The following DLEC1 variants were observed in gnomAD, a reference collection of about 807,000 sequenced individuals.
DLEC1 encodes the protein deleted in lung and esophageal cancer protein 1.
A neutral mutation model predicts 198.1 loss-of-function variants in DLEC1; 146 were observed. The observed-to-expected ratio is 0.74, with a 90% CI of 0.64 to 0.85. The LOEUF (loss-of-function observed/expected upper bound fraction) is 0.85, where lower values mean the gene tolerates loss of function less well. DLEC1 is among the 40% of genes least tolerant of loss of function. DLEC1 has a pLI of 0.00. For synonymous variants in DLEC1, 897 were observed against 866.8 expected, an observed-to-expected ratio of 1.03 and a Z score of -0.61; for missense variants, 2,233 against 2,220.0, an observed-to-expected ratio of 1.01 and a Z score of -0.12.
chr3:38,057,965 C>T (rs1304365534), intron 2 of DLEC1, among the ~76,000 whole-genome samples: 5 of 151,946 alleles, frequency 3.3e-5, no homozygotes, highest in East Asian at 3.9e-4. Flanking sequence ...TATAGGCGCC[C>T]GCCACCACAC....
In DLEC1 at chr3:38,120,514, C is replaced by G. The variant is rs750648276; in HGVS notation, c.4771C>G (p.Leu1591Val). 2.5e-6 allele frequency: 4 copies of G among 1,614,120 alleles called. No homozygotes were observed. The African/African-American group carries it at 5.3e-5, about 22-fold the overall frequency. ...SYQKLPADQTLPGVDIQQSAS... is the reference protein window; with the variant it reads ...SYQKLPADQTVPGVDIQQSAS... The stretch of plus-strand genomic sequence containing the variant: ...TCAGAAGCTCCCAGCTGACCAGACA[C>G]TGCCTGGGGTGGACATTCAGCAGAG... Residue 1591 changes from leucine to valine, a missense_variant, in exon 34 of 37, where the codon CTG becomes GTG. Physicochemically the swap from Leu to Val is conservative, Grantham distance 32 (BLOSUM62 1). Coordinates refer to ENST00000308059, the MANE Select transcript of DLEC1 (RefSeq NM_007335.4).
intron 22 of DLEC1, 92 bp from the exon 23 acceptor site, chr3:38,110,007 C>T (rs536189848): frequency 7.1e-5 from 101 of 1,423,034 alleles, no homozygotes; most frequent in Middle Eastern, 1.9e-4. Flanking sequence ...GGTGTCTGGG[C>T]AGCTTCTGCA....
At position 38,117,518 on chromosome 3, in the gene DLEC1, G is replaced by T. The variant is rs1700243679; in HGVS notation, c.4401-9G>T. 6.2e-7 allele frequency: 1 copy of T among 1,614,058 alleles called. No individual in the cohort carries two copies. The highest frequency in any genetic ancestry group is 1.1e-5 in the South Asian group (1 of 91,096). On this transcript the variant is annotated splice_polypyrimidine_tract_variant and intron_variant, in intron 31 of 36. Coordinates refer to ENST00000308059, the MANE Select transcript of DLEC1 (RefSeq NM_007335.4). ...CCGGCTTGCCCCAACAATGCCTATTGCTGGGCAGGCTAAGTGTGGAGCTGG... is the reference window on the plus strand; with the variant it reads ...CCGGCTTGCCCCAACAATGCCTATTTCTGGGCAGGCTAAGTGTGGAGCTGG...
chr3:38,100,464 G>A, intron 19 of DLEC1, 39 bp downstream of exon 19: 20 of 1,569,700 alleles, frequency 1.3e-5, no homozygotes, highest in Non-Finnish European at 1.5e-5. Flanking sequence ...AACAAACTAT[G>A]CATATTCGTG....
rs900379586 is a variant in DLEC1, at chr3:38,086,449, C to T, written c.1572+72C>T. ...AGGAAATAACCCCCAGAGGAACTTACTAGAGTATACCTATGATTGGAAACA... is the reference window on the plus strand; with the variant it reads ...AGGAAATAACCCCCAGAGGAACTTATTAGAGTATACCTATGATTGGAAACA... On this transcript the variant is annotated intron_variant, in intron 9 of 36. Coordinates refer to ENST00000308059, the MANE Select transcript of DLEC1 (RefSeq NM_007335.4). 14 of 1,533,208 alleles carry T rather than the reference C, an allele frequency of 9.1e-6. No individual in the cohort carries two copies. In the African/African-American group the frequency reaches 1.7e-4, roughly 18 times the overall value. The allele number at this position is 1,533,208 out of a possible 1,614,324, so 95.0% of individuals were successfully genotyped here. A position where few individuals can be genotyped will look rare whatever the true frequency, so the allele number is the denominator to read the frequency against.
In DLEC1 at chr3:38,109,568, C is replaced by A; in HGVS notation, c.3260+6C>A. 6.2e-7 allele frequency: 1 copy of A among 1,614,054 alleles called. No homozygotes were observed. Among genetic ancestry groups the A allele is most frequent in the Non-Finnish European group, 8.5e-7 (1 of 1,179,966 alleles). ...AAGGAGAGCTCTGATTGCAGGTGAG[C>A]CCAGGGTTGGTGGTCTGGGGGTGGC... On this transcript the variant is annotated splice_donor_region_variant and intron_variant, in intron 22 of 36. Transcript: ENST00000308059.
At chr3:38,078,816 T>C (rs143778868) in intron 6 of DLEC1, among the ~76,000 whole-genome samples, 95 of 152,286 alleles carry the variant, frequency 6.2e-4, no homozygotes, top group African/African-American at 2.1e-3. Flanking sequence ...GGAGAGTATA[T>C]GGGTTTGACA....
chr3:38,078,592 G>T (rs553791033), intron 6 of DLEC1, among the ~76,000 whole-genome samples: 10 of 152,332 alleles, frequency 6.6e-5, no homozygotes, highest in African/African-American at 2.4e-4. Flanking sequence ...GGTAACAGAT[G>T]AGGACGAAAT....
At chr3:38,054,601 C>T (rs1696257217) in intron 2 of DLEC1, among the ~76,000 whole-genome samples, 1 of 152,224 alleles carries the variant, frequency 6.6e-6, no homozygotes, top group Admixed American at 6.5e-5. Context: ...TTTCAGTGGA[C>T]AGTCAACAAA....
intron 16 of DLEC1, 78 bp from the exon 17 acceptor site, chr3:38,097,429 C>T: frequency 6.3e-7 from 1 of 1,593,982 alleles, no homozygotes; most frequent in South Asian, 1.1e-5. Flanking sequence ...TCTGTGCAAG[C>T]CAGATGTCTG....
chr3:38,079,195 T>C (rs886073566), intron 6 of DLEC1, among the ~76,000 whole-genome samples: 2 of 152,110 alleles, frequency 1.3e-5, no homozygotes, highest in East Asian at 1.9e-4. Flanking sequence ...GAGATGTAGC[T>C]GTAATCCAGG....
intron 19 of DLEC1, among the ~76,000 whole-genome samples, chr3:38,105,305 T>C (rs1046535026): frequency 6.6e-6 from 1 of 152,178 alleles, no homozygotes; most frequent in Non-Finnish European, 1.5e-5. Context: ...TAGTGCTGTT[T>C]AAATCTTCTA....
At chr3:38,086,931 G>T (rs1211351297) in intron 9 of DLEC1, among the ~76,000 whole-genome samples, 1 of 151,996 alleles carries the variant, frequency 6.6e-6, no homozygotes, top group African/African-American at 2.4e-5. Context: ...AAAATTAGCC[G>T]GGTGTGGTGG....
intron 2 of DLEC1, among the ~76,000 whole-genome samples, chr3:38,057,526 G>A (rs1051320888): frequency 6.6e-6 from 1 of 152,144 alleles, no homozygotes; most frequent in African/African-American, 2.4e-5. Flanking sequence ...CACATAGGTG[G>A]ATCTCACAAA....
rs746716451 is a variant in DLEC1, at chr3:38,115,010, C to T, written c.3813C>T (p.Asp1271=). 1.9e-6 allele frequency: 3 copies of T among 1,613,988 alleles called. No individual in the cohort carries two copies. The highest frequency in any genetic ancestry group is 1.1e-5 in the South Asian group (1 of 90,992). Residue 1271 remains aspartate, a synonymous_variant, in exon 27 of 37, where the codon GAC becomes GAT. Transcript: ENST00000308059. The part of the protein sequence containing the change: ...MRFGTQVSGG[D]TVTRTLRLNN... Reference sequence around the variant, plus strand: ...TCGGCACCCAGGTCTCCGGAGGAGACACAGTTACCCGAACCCTTCGCCTGA... The same window carrying T: ...TCGGCACCCAGGTCTCCGGAGGAGATACAGTTACCCGAACCCTTCGCCTGA...
intron 6 of DLEC1, among the ~76,000 whole-genome samples, chr3:38,064,362 A>G (rs963269950): frequency 1.3e-5 from 2 of 152,244 alleles, no homozygotes; most frequent in African/African-American, 4.8e-5. Flanking sequence ...CCAAGGCAGA[A>G]GAATTTTTCT....
At chr3:38,117,162 C>T in intron 30 of DLEC1, 46 bp from the exon 31 acceptor site, 1 of 1,614,078 alleles carries the variant, frequency 6.2e-7, no homozygotes, top group Middle Eastern at 1.6e-4. Flanking sequence ...TAGCATGCTG[C>T]CTACTCAGCC....
Position 38,088,283 on chromosome 3 carries a change from G to A in DLEC1, c.1573-13G>A. On this transcript the variant is annotated splice_polypyrimidine_tract_variant and intron_variant, in intron 9 of 36. Coordinates refer to ENST00000308059, the MANE Select transcript of DLEC1 (RefSeq NM_007335.4). ...TGTCTTCCACACTGTTGGGTAATCT[G>A]CTTTTCTTTAAGGCCATTGCAACCG... 6.2e-7 allele frequency: 1 copy of A among 1,611,842 alleles called. No individual in the cohort carries two copies. Among genetic ancestry groups the A allele is most frequent in the Non-Finnish European group, 8.5e-7 (1 of 1,178,098 alleles).
intron 19 of DLEC1, among the ~76,000 whole-genome samples, chr3:38,105,139 ATTG>A (rs529201097): frequency 1.5e-3 from 222 of 152,162 alleles, no homozygotes; most frequent in Admixed American, 0.012. Flanking sequence ...ATTTGATTCT[ATTG>A]TTGTTGGAGA....
Sources: gnomAD v4.1 joint callset for allele counts (sites outside exome capture counted in the v4.1 genomes callset) on GRCh38, gnomAD v4.1.1 for gene constraint, MANE v1.5 for transcripts, NCBI Gene and HGNC (gene_info 2026-07-23, HGNC 2026-07-21) for gene names.